Variants in SRD5A1 observed in about 807,000 individuals in gnomAD.
SRD5A1 encodes 3-oxo-5-alpha-steroid 4-dehydrogenase 1.
In SRD5A1, 22 loss-of-function variants were observed where a neutral mutation model predicts 28.2. That is an observed-to-expected ratio of 0.78 (90% CI 0.56 to 1.12). SRD5A1 has a LOEUF of 1.12. Ranked by LOEUF, SRD5A1 falls within the 50% of genes most tolerant of loss-of-function variation. SRD5A1 has a pLI of 0.00. For synonymous variants in SRD5A1, 151 were observed against 135.0 expected (o/e 1.12, Z -0.82); for missense variants, 300 against 346.7 (o/e 0.87, Z 1.07).
At chr5:6,666,598 C>G (rs1428087278) in intron 4 of SRD5A1, among the ~76,000 whole-genome samples, 1 of 152,114 alleles carries the variant, frequency 6.6e-6, no homozygotes, top group African/African-American at 2.4e-5. Flanking sequence ...CAAATATTCT[C>G]TTAAAGGGCA....
At chr5:6,636,139 T>A (rs145090236) in intron 1 of SRD5A1, among the ~76,000 whole-genome samples, 25 of 152,324 alleles carry the variant, frequency 1.6e-4, no homozygotes, top group African/African-American at 5.5e-4. Context: ...TGGGGACATT[T>A]ACATTTTCCA....
Position 6,669,375 on chromosome 5 carries a change from A to C in SRD5A1, c.*1107A>C, listed in dbSNP as rs370343790. ...CCCTCATAGCCTGTACCTGTTATCA[A>C]TATAAAATAATCTTCCTGTTGAATG... is the stretch of plus-strand genomic sequence containing the variant. On this transcript the variant is annotated 3_prime_UTR_variant, in exon 5 of 5. Transcript: ENST00000274192. 7.2e-5 allele frequency: 11 copies of C among 152,186 alleles called. No homozygotes were observed. The highest frequency in any genetic ancestry group is 2.6e-4 in the Admixed American group (4 of 15,274). The allele number at this position is 152,186 out of a possible 1,614,324, so 9.4% of individuals were successfully genotyped here.
At chr5:6,641,154 C>T (rs1027830473) in intron 1 of SRD5A1, among the ~76,000 whole-genome samples, 4 of 152,158 alleles carry the variant, frequency 2.6e-5, no homozygotes, top group African/African-American at 9.7e-5. Context: ...CTGAAATTGG[C>T]CCCATGGCCC....
intron 1 of SRD5A1, among the ~76,000 whole-genome samples, chr5:6,649,280 T>C (rs1403065514): frequency 6.6e-6 from 1 of 152,242 alleles, no homozygotes. Context: ...TCTTCAGAGC[T>C]GTCAGGCAGA....
At chr5:6,648,721 T>C (rs1738580746) in intron 1 of SRD5A1, among the ~76,000 whole-genome samples, 1 of 152,214 alleles carries the variant, frequency 6.6e-6, no homozygotes, top group Admixed American at 6.5e-5. Context: ...CTCCTTTGGC[T>C]CAGAGGAGTT....
chr5:6,659,965 G>A (rs552284471), intron 3 of SRD5A1, among the ~76,000 whole-genome samples: 3 of 152,290 alleles, frequency 2.0e-5, no homozygotes, highest in South Asian at 2.1e-4. Flanking sequence ...CAGGTGTGCC[G>A]TCTACATCCA....
rs8192201 is a variant in SRD5A1 at position 6,655,490 on chromosome 5, C to T, written c.461-588C>T. Among the ~76,000 whole-genome samples the T allele has an allele frequency of 7.6e-4, 115 of 152,290 alleles. 1 individual carries two copies. In the Middle Eastern group the frequency reaches 0.01, roughly 14 times the overall value. On this transcript the variant is annotated intron_variant, in intron 2 of 4. Coordinates refer to ENST00000274192, the MANE Select transcript of SRD5A1 (RefSeq NM_001047.4). ...CAAGAACCGAGGAGGAAGGACTGAC[C>T]GAGCAATGCTGATTGATGAGCCTGC...
chr5:6,646,868 AG>A (rs1185570038), intron 1 of SRD5A1, among the ~76,000 whole-genome samples: 2 of 152,072 alleles, frequency 1.3e-5, no homozygotes, highest in East Asian at 3.9e-4. Context: ...ATTGTGGGTT[AG>A]GGTGTCGATT....
chr5:6,657,381 C>T (rs11738248), intron 3 of SRD5A1, among the ~76,000 whole-genome samples: 52,471 of 152,110 alleles, frequency 0.34, 9,286 homozygotes, highest in Middle Eastern at 0.43. Flanking sequence ...GAGCAAACTG[C>T]ACCCTCATGG....
chr5:6,666,701 A>C (rs1212768028), intron 4 of SRD5A1, among the ~76,000 whole-genome samples: 2 of 152,174 alleles, frequency 1.3e-5, no homozygotes, highest in African/African-American at 4.8e-5. Flanking sequence ...AATACACTTA[A>C]CCTCTTCAGC....
At chr5:6,644,362 C>T (rs917048819) in intron 1 of SRD5A1, among the ~76,000 whole-genome samples, 2 of 152,150 alleles carry the variant, frequency 1.3e-5, no homozygotes, top group African/African-American at 4.8e-5. Flanking sequence ...TTACATTCCC[C>T]TTTTATGTCT....
At chr5:6,664,806 T>G (rs2126553202) in intron 4 of SRD5A1, among the ~76,000 whole-genome samples, 1 of 152,374 alleles carries the variant, frequency 6.6e-6, no homozygotes, top group Non-Finnish European at 1.5e-5. Context: ...GCCTGGTATT[T>G]TCACGCATAG....
chr5:6,633,897 C>T (rs756971940), intron 1 of SRD5A1, 28 bp downstream of exon 1: 25 of 1,592,984 alleles, frequency 1.6e-5, no homozygotes, highest in South Asian at 5.5e-5. Flanking sequence ...CGGCCCCCTA[C>T]CCTACTCCCG....
Position 6,665,663 on chromosome 5 carries a change from T to TA in SRD5A1, c.714-2535dup, listed in dbSNP as rs1433537605. ...AAGTGAGTAATGGCTCATTTCTCAT[T>TA]AAAAGAAACAAATGAGATAACACTG... On this transcript the variant is annotated intron_variant, in intron 4 of 4. Coordinates refer to ENST00000274192, the MANE Select transcript of SRD5A1 (RefSeq NM_001047.4). Among the ~76,000 whole-genome samples the TA allele has an allele frequency of 4.0e-5, 6 of 151,870 alleles. No individual in the cohort carries two copies. The East Asian group carries it at 5.8e-4, about 15-fold the overall frequency.
At chr5:6,656,374 G>A (rs1738837163) in intron 3 of SRD5A1, among the ~76,000 whole-genome samples, 195 bp downstream of exon 3, 1 of 152,160 alleles carries the variant, frequency 6.6e-6, no homozygotes, top group East Asian at 1.9e-4. Flanking sequence ...CTAGCTAACT[G>A]AACAGTTATT....
At chr5:6,643,378 T>C (rs187470) in intron 1 of SRD5A1, among the ~76,000 whole-genome samples, 90,638 of 151,980 alleles carry the variant, frequency 0.6, 27,698 homozygotes, top group African/African-American at 0.72. Flanking sequence ...ATCCTCAGCT[T>C]ATTGCAGCCT....
In SRD5A1 at chr5:6,662,948, G is replaced by A; in HGVS notation, c.695G>A (p.Arg232Lys). The change falls in exon 4 of 5, where the codon AGA (arginine) becomes AAA (lysine). Residue 232 changes from arginine (R) to lysine (K), a missense_variant. Around this residue, in one of 2 missense-constraint regions of SRD5A1, gnomAD observed 126 missense variants for 185.7 expected, o/e 0.68. Coordinates refer to ENST00000274192, the MANE Select transcript of SRD5A1 (RefSeq NM_001047.4). ...AFFTFCFLSG[R>K]AKEHHEWYLR... ...TTCACGTTTTGTTTTTTATCTGGTA[G>A]AGCAAAAGAGCATCATGAGTAAGTT... The A allele has an allele frequency of 6.2e-7, 1 of 1,614,188 alleles. No homozygotes were observed. The highest frequency in any genetic ancestry group is 8.5e-7 in the Non-Finnish European group (1 of 1,180,024).
intron 4 of SRD5A1, among the ~76,000 whole-genome samples, chr5:6,665,572 C>T (rs1739146110): frequency 6.6e-6 from 1 of 152,340 alleles, no homozygotes; most frequent in South Asian, 2.1e-4. Context: ...CAGCACTGCA[C>T]CTGGCCTGGG....
intron 3 of SRD5A1, among the ~76,000 whole-genome samples, chr5:6,659,141 T>C (rs1738918370): frequency 7.0e-6 from 1 of 143,652 alleles, no homozygotes; most frequent in Admixed American, 6.9e-5. Flanking sequence ...TGAGACGGGG[T>C]CTCGCTCTGT....
Sources: allele counts gnomAD v4.1 joint callset (sites outside exome capture counted in the v4.1 genomes callset), GRCh38; gene constraint gnomAD v4.1.1; regional missense constraint gnomAD v4.1.1; transcripts MANE v1.5; gene names NCBI Gene and HGNC (gene_info 2026-07-23, HGNC 2026-07-21).